ENPP2: variants seen among roughly 807,000 people sequenced by gnomAD.
ENPP2 encodes the protein autotaxin.
In ENPP2, 51 loss-of-function variants were observed where a neutral mutation model predicts 120.2. That is an observed-to-expected ratio of 0.42 (90% CI 0.34 to 0.54). ENPP2 has a LOEUF of 0.54. Ranked by LOEUF, ENPP2 falls within the 20% of genes least tolerant of loss-of-function variation. The probability of loss-of-function intolerance (pLI) is 0.04; values close to 1 mark genes in which losing one functional copy is unlikely to be tolerated. For missense variants in ENPP2, 920 were observed against 1,066.5 expected (o/e 0.86, Z 1.91); for synonymous variants, 365 against 366.4 (o/e 1.00, Z 0.04).
rs117185891 is a variant in ENPP2, at chr8:119,582,086, C to G, written c.1728+332G>C. 1.3e-3 allele frequency among the ~76,000 whole-genome samples: 193 copies of G among 152,300 alleles called. 5 individuals carry two copies. In the East Asian group the frequency reaches 0.035, roughly 28 times the overall value. On this transcript the variant is annotated intron_variant, in intron 18 of 24. Coordinates refer to ENST00000075322, the MANE Select transcript of ENPP2 (RefSeq NM_001040092.3). ...TGGGCCACCTGTCTCCCGTCGGGAC[C>G]ATGACTAATAGACATGTGATCCACA...
chr8:119,557,978 T>C (rs929851051), intron 24 of ENPP2, among the ~76,000 whole-genome samples: 3 of 152,170 alleles, frequency 2.0e-5, no homozygotes, highest in African/African-American at 7.2e-5. Flanking sequence ...AGAACATAAA[T>C]CAAAATTAGG....
chr8:119,573,408 T>TAAAAAA (rs35227070), intron 19 of ENPP2, among the ~76,000 whole-genome samples: 4 of 124,386 alleles, frequency 3.2e-5, no homozygotes, highest in African/African-American at 3.4e-5. Flanking sequence ...CTCCGTCTCT[T>TAAAAAA]AAAAAAAAAA....
chr8:119,673,128 C>T lies in ENPP2; in HGVS notation c.21+124G>A, dbSNP rs1479737897. The T allele has an allele frequency of 3.7e-6, 3 of 803,798 alleles. No individual in the cohort carries two copies. In the African/African-American group the frequency reaches 5.1e-5, roughly 14 times the overall value. The allele number at this position is 803,798 out of a possible 1,614,324, so 49.8% of individuals were successfully genotyped here. On this transcript the variant is annotated intron_variant, in intron 1 of 25. Transcript: ENST00000427067. ...CAGCTGAGTGCACGGGAACACAGCC[C>T]AACAGGGACTGCTTTCCGGCAAACC...
intron 3 of ENPP2, among the ~76,000 whole-genome samples, chr8:119,625,099 G>T (rs984412664): frequency 9.2e-5 from 14 of 152,132 alleles, no homozygotes; most frequent in Non-Finnish European, 1.6e-4. Context: ...CCAGAAGTTT[G>T]ATATGACATG....
chr8:119,632,290 G>T (rs1816735328), intron 2 of ENPP2, among the ~76,000 whole-genome samples: 1 of 152,118 alleles, frequency 6.6e-6, no homozygotes, highest in Non-Finnish European at 1.5e-5. Context: ...TAACAGCGCA[G>T]AAAACAACTA....
At chr8:119,592,473 C>CAAAAAA (rs61330053) in intron 12 of ENPP2, among the ~76,000 whole-genome samples, 79 of 54,768 alleles carry the variant, frequency 1.4e-3, no homozygotes, top group Non-Finnish European at 1.6e-3. Context: ...AACTCCACCT[C>CAAAAAA]AAAAAAAAAA....
At chr8:119,586,497 AC>A (rs1813120822) in intron 14 of ENPP2, among the ~76,000 whole-genome samples, 184 bp from the exon 15 acceptor site, 1 of 152,160 alleles carries the variant, frequency 6.6e-6, no homozygotes, top group Non-Finnish European at 1.5e-5. Context: ...AGATTAAGTA[AC>A]CTTGGAGATG....
At chr8:119,599,815 G>A (rs1408728950) in intron 11 of ENPP2, among the ~76,000 whole-genome samples, 2 of 152,118 alleles carry the variant, frequency 1.3e-5, no homozygotes, top group Non-Finnish European at 2.9e-5. Context: ...AGACCAGCCT[G>A]GCACAACATG....
At chr8:119,584,109 G>A in intron 15 of ENPP2, 60 bp from the exon 16 acceptor site, 1 of 1,144,100 alleles carries the variant, frequency 8.7e-7, no homozygotes, top group South Asian at 1.2e-5. Context: ...TTGATAAAAA[G>A]GTAATTTCAG....
chr8:119,592,357 C>T (rs1813566157), intron 12 of ENPP2, among the ~76,000 whole-genome samples: 1 of 151,518 alleles, frequency 6.6e-6, no homozygotes, highest in African/African-American at 2.4e-5. Context: ...CCTGTAATCC[C>T]AGCTACTCAG....
In ENPP2 at chr8:119,581,822, C is replaced by T. The variant is rs539090673; in HGVS notation, c.1728+596G>A. 4.0e-5 allele frequency among the ~76,000 whole-genome samples: 6 copies of T among 149,688 alleles called. No homozygotes were observed. The South Asian group carries it at 1.3e-3, about 32-fold the overall frequency. On this transcript the variant is annotated intron_variant, in intron 18 of 24. Coordinates refer to ENST00000075322, the MANE Select transcript of ENPP2 (RefSeq NM_001040092.3). ...TCTTCCAGGCTGGAGTGTGGTGACA[C>T]AATCCCGGCTCACTGCAACCTCTGC... is the stretch of plus-strand genomic sequence containing the variant.
intron 24 of ENPP2, among the ~76,000 whole-genome samples, chr8:119,561,931 G>A (rs1362279026): frequency 6.6e-6 from 1 of 152,038 alleles, no homozygotes; most frequent in East Asian, 1.9e-4. Flanking sequence ...GAGGTCAGGA[G>A]ATTGAGACCA....
intron 1 of ENPP2, among the ~76,000 whole-genome samples, chr8:119,667,646 T>C (rs1296401813): frequency 6.6e-6 from 1 of 152,214 alleles, no homozygotes; most frequent in Admixed American, 6.5e-5. Flanking sequence ...CTGCTACCCT[T>C]TGGTTTAGGG....
In ENPP2 at chr8:119,663,213, T is replaced by C. The variant is rs1227007865; in HGVS notation, c.21+10039A>G. Reference sequence around the variant, plus strand: ...TTCCCACGAGATGAGCAGTGCTTTTTCAAGTTAGGTCAAAAAACAAAATCC... The same window carrying C: ...TTCCCACGAGATGAGCAGTGCTTTTCCAAGTTAGGTCAAAAAACAAAATCC... On this transcript the variant is annotated intron_variant, in intron 1 of 25. Transcript: ENST00000427067. Among the ~76,000 whole-genome samples the C allele has an allele frequency of 2.0e-5, 3 of 152,152 alleles. No homozygotes were observed. The East Asian group carries it at 5.8e-4, about 29-fold the overall frequency.
At chr8:119,667,583 T>G (rs1818110236) in intron 1 of ENPP2, among the ~76,000 whole-genome samples, 2 of 152,230 alleles carry the variant, frequency 1.3e-5, no homozygotes, top group Admixed American at 6.5e-5. Flanking sequence ...TCTGTCACCA[T>G]ACTCTTATAA....
At chr8:119,622,085 C>A (rs572996757) in intron 3 of ENPP2, among the ~76,000 whole-genome samples, 1 of 152,084 alleles carries the variant, frequency 6.6e-6, no homozygotes, top group Non-Finnish European at 1.5e-5. Context: ...TATGCCATCA[C>A]GTCTGGCTAA....
chr8:119,607,531 C>T (rs1230635909), intron 9 of ENPP2, among the ~76,000 whole-genome samples: 2 of 151,876 alleles, frequency 1.3e-5, no homozygotes, highest in Non-Finnish European at 2.9e-5. Flanking sequence ...AAAAATTAGC[C>T]GGGAGTGGTA....
At chr8:119,594,208 C>A (rs535361501) in intron 11 of ENPP2, among the ~76,000 whole-genome samples, 7 of 152,252 alleles carry the variant, frequency 4.6e-5, no homozygotes, top group African/African-American at 1.7e-4. Flanking sequence ...AACAGAAAGT[C>A]CCTAAGTGAA....
chr8:119,600,360 G>A (rs1486165130), intron 11 of ENPP2, among the ~76,000 whole-genome samples: 1 of 152,080 alleles, frequency 6.6e-6, no homozygotes, highest in African/African-American at 2.4e-5. Flanking sequence ...GCCCATTGAA[G>A]GCAAATGCCA....
Sources: allele counts gnomAD v4.1 joint callset (sites outside exome capture counted in the v4.1 genomes callset), GRCh38; gene constraint gnomAD v4.1.1; transcripts MANE v1.5; gene names NCBI Gene and HGNC (gene_info 2026-07-23, HGNC 2026-07-21).